The following STOX2 variants were observed in gnomAD, a reference collection of about 807,000 sequenced individuals.
STOX2 encodes the protein storkhead-box protein 2.
STOX2 carries 28 observed loss-of-function variants against 60.9 expected under a neutral mutation model. That is an observed-to-expected ratio of 0.46 (90% CI 0.34 to 0.63). STOX2 has a LOEUF of 0.63. Ranked by LOEUF, STOX2 falls within the 30% of genes least tolerant of loss-of-function variation. STOX2 has a pLI of 0.01. For missense variants in STOX2, 1,024 were observed against 1,187.7 expected (o/e 0.86, Z 2.03); for synonymous variants, 472 against 463.9 (o/e 1.02, Z -0.22).
chr4:183,861,890 G>A (rs1443628753), intron 1 of STOX2, among the ~76,000 whole-genome samples: 1 of 152,130 alleles, frequency 6.6e-6, no homozygotes, highest in African/African-American at 2.4e-5. Flanking sequence ...AAAGTGCAAA[G>A]CCCCACGTAA....
At chr4:183,799,466 A>G (rs1738711029) in intron 1 of STOX2, among the ~76,000 whole-genome samples, 1 of 152,262 alleles carries the variant, frequency 6.6e-6, no homozygotes, top group African/African-American at 2.4e-5. Flanking sequence ...ATTGCTCTAC[A>G]GGCTTTTAAT....
At chr4:183,975,485 A>G (rs1732412458) in intron 1 of STOX2, among the ~76,000 whole-genome samples, 1 of 152,162 alleles carries the variant, frequency 6.6e-6, no homozygotes, top group Non-Finnish European at 1.5e-5. Flanking sequence ...TAAGGCATGA[A>G]AGAGGGCATA....
At chr4:183,989,330 G>A (rs1732999327) in intron 1 of STOX2, among the ~76,000 whole-genome samples, 2 of 152,040 alleles carry the variant, frequency 1.3e-5, no homozygotes, top group African/African-American at 2.4e-5. Flanking sequence ...AGCCTCTTGA[G>A]TAGCTGGGAT....
chr4:183,891,983 C>G (rs1353552091), intron 1 of STOX2, among the ~76,000 whole-genome samples: 1 of 152,156 alleles, frequency 6.6e-6, no homozygotes, highest in East Asian at 1.9e-4. Flanking sequence ...AGAAGAGCGT[C>G]AATAGGACAG....
Position 183,806,647 on chromosome 4 carries a change from G to A in STOX2, c.364+8592G>A, listed in dbSNP as rs1277602165. On this transcript the variant is annotated intron_variant, in intron 1 of 2. Coordinates refer to the STOX2 transcript ENST00000513034. This position sits in a 1 kb window ranked among gnomAD's most constrained non-coding sequence, Gnocchi z 4.1. The stretch of plus-strand genomic sequence containing the variant: ...CTGTCTCAGCCTCTGCCAGCGCTGT[G>A]TCAGGTGCCTCCCTTCTTCCCCCGA... 6.6e-6 allele frequency among the ~76,000 whole-genome samples: 1 copy of A among 152,186 alleles called. No homozygotes were observed. The highest frequency in any genetic ancestry group is 1.5e-5 in the Non-Finnish European group (1 of 68,030).
chr4:183,808,496 T>G (rs1199045050), intron 1 of STOX2, among the ~76,000 whole-genome samples: 1 of 152,230 alleles, frequency 6.6e-6, no homozygotes, highest in East Asian at 1.9e-4. Context: ...CACTTTCCTT[T>G]CATCAGAGCC....
At chr4:183,968,439 T>A (rs1380386914) in intron 1 of STOX2, among the ~76,000 whole-genome samples, 1 of 151,976 alleles carries the variant, frequency 6.6e-6, no homozygotes, top group Non-Finnish European at 1.5e-5. Context: ...TATGAGAAAT[T>A]TTCTTTGTTG....
intron 2 of STOX2, among the ~76,000 whole-genome samples, chr4:184,003,908 T>TCTTAGCTACCTTTCTC (rs919017083): frequency 6.6e-6 from 1 of 151,812 alleles, no homozygotes; most frequent in African/African-American, 2.4e-5. Flanking sequence ...TTTCCTTTCT[T>TCTTAGCTACCTTTCTC]CTTAGCTACC....
chr4:183,960,383 C>T (rs1254306355), intron 1 of STOX2: 1 of 152,200 alleles, frequency 6.6e-6, no homozygotes, highest in Non-Finnish European at 1.5e-5. Flanking sequence ...TAATTACCGA[C>T]TGTAACATGT....
At chr4:183,949,469 G>T (rs1743003223) in intron 1 of STOX2, among the ~76,000 whole-genome samples, 1 of 152,178 alleles carries the variant, frequency 6.6e-6, no homozygotes, top group Admixed American at 6.5e-5. Context: ...GGAGGCCGAG[G>T]TGGGCGGATT....
chr4:183,912,821 T>C (rs1741818882), intron 1 of STOX2, among the ~76,000 whole-genome samples: 1 of 152,190 alleles, frequency 6.6e-6, no homozygotes, highest in South Asian at 2.1e-4. Context: ...AAAACATGAC[T>C]TCTTAGAAAG....
At chr4:183,813,028 G>T (rs1560827160) in intron 1 of STOX2, among the ~76,000 whole-genome samples, 1 of 152,132 alleles carries the variant, frequency 6.6e-6, no homozygotes, top group East Asian at 1.9e-4. Context: ...CGTGTCTGTG[G>T]GTTCTGGGGC....
chr4:184,012,649 C>T (rs1734214043), intron 3 of STOX2, among the ~76,000 whole-genome samples: 1 of 151,918 alleles, frequency 6.6e-6, no homozygotes, highest in African/African-American at 2.4e-5. Flanking sequence ...CAAGTTAACA[C>T]GTGTGTGGAA....
chr4:183,950,342 GGA>G (rs145870979), intron 1 of STOX2, among the ~76,000 whole-genome samples: 4 of 151,530 alleles, frequency 2.6e-5, no homozygotes, highest in African/African-American at 4.8e-5. Flanking sequence ...CAGATTAGTG[GGA>G]GAGAGAGAGA....
At chr4:184,016,586 A>AG (rs1734385528) in intron 3 of STOX2, among the ~76,000 whole-genome samples, 1 of 152,192 alleles carries the variant, frequency 6.6e-6, no homozygotes, top group Admixed American at 6.5e-5. Context: ...GCAAATGCCC[A>AG]GGGTCCCCCA....
intron 1 of STOX2, among the ~76,000 whole-genome samples, chr4:183,999,052 A>C (rs931436694): frequency 6.6e-6 from 1 of 152,196 alleles, no homozygotes; most frequent in African/African-American, 2.4e-5. Context: ...TCAAAAAAGC[A>C]AACAAACAAA....
Position 184,009,311 on chromosome 4 carries a change from A to T in STOX2, c.473A>T (p.Tyr158Phe). 1.9e-6 allele frequency: 3 copies of T among 1,613,924 alleles called. No homozygotes were observed. Among genetic ancestry groups the T allele is most frequent in the Non-Finnish European group, 2.5e-6 (3 of 1,179,874 alleles). The change falls in exon 3 of 4, where the codon TAC (tyrosine) becomes TTC (phenylalanine). Residue 158 changes from tyrosine (Y) to phenylalanine (F), a missense_variant. Tyr to Phe is a conservative substitution (Grantham distance 22). This residue lies in a region of STOX2 where 922 missense variants were observed against 1,058.3 expected (regional missense o/e 0.87). Coordinates refer to ENST00000308497, the MANE Select transcript of STOX2 (RefSeq NM_020225.3). This position sits in a 1 kb window ranked among gnomAD's most constrained non-coding sequence, Gnocchi z 4.0. ...CTCATAAGAACTAACAGTAAATGGT[A>T]CCATTTGGACGAGAGGATACCTGAC... ...PSLIRTNSKW[Y>F]HLDERIPDRS...
Position 184,011,311 on chromosome 4 carries a change from C to G in STOX2, c.2473C>G (p.Leu825Val), listed in dbSNP as rs375616063. 17 of 1,614,020 alleles carry G rather than the reference C, an allele frequency of 1.1e-5. No homozygotes were observed. The African/African-American group carries it at 2.1e-4, about 20-fold the overall frequency. Residue 825 changes from leucine to valine, a missense_variant, in exon 3 of 4, where the codon CTT becomes GTT. Transcript: ENST00000308497. The surrounding 1 kb of genome is among the most constrained non-coding windows in gnomAD (Gnocchi z 4.4). Reference sequence around the variant, plus strand: ...GAAATTTGAAAAGAACCTCACCCTTCTTGCTCCAAAAGAAACCGACAGCAG... The same window carrying G: ...GAAATTTGAAAAGAACCTCACCCTTGTTGCTCCAAAAGAAACCGACAGCAG... Reference protein sequence around the residue: ...QRKFEKNLTLLAPKETDSSSN... With the variant: ...QRKFEKNLTLVAPKETDSSSN...
intron 1 of STOX2, among the ~76,000 whole-genome samples, chr4:183,849,186 T>C (rs2111138777): frequency 6.6e-6 from 1 of 152,254 alleles, no homozygotes. Context: ...AATTGGAGCT[T>C]GGAAACAAGG....
Sources: allele counts gnomAD v4.1 joint callset (sites outside exome capture counted in the v4.1 genomes callset), GRCh38; gene constraint gnomAD v4.1.1; regional missense constraint gnomAD v4.1.1; non-coding constraint Gnocchi (gnomAD v3.1); transcripts MANE v1.5; gene names NCBI Gene and HGNC (gene_info 2026-07-23, HGNC 2026-07-21).